LMBR1: variants seen among roughly 807,000 people sequenced by gnomAD.
LMBR1 encodes limb region 1 protein homolog.
LMBR1 carries 52 observed loss-of-function variants against 73.9 expected under a neutral mutation model. That is an observed-to-expected ratio of 0.70 (90% CI 0.56 to 0.89). LMBR1 has a LOEUF of 0.89. Ranked by LOEUF, LMBR1 falls within the 40% of genes least tolerant of loss-of-function variation. The pLI is 0.00. For synonymous variants in LMBR1, 215 were observed against 209.4 expected, an observed-to-expected ratio of 1.03 and a Z score of -0.23; for missense variants, 539 against 579.8, an observed-to-expected ratio of 0.93 and a Z score of 0.72.
At chr7:156,793,981 T>C (rs1017137) in intron 5 of LMBR1, among the ~76,000 whole-genome samples, 33,463 of 152,104 alleles carry the variant, frequency 0.22, 4,186 homozygotes, top group East Asian at 0.42. Flanking sequence ...CCTCTTTCCC[T>C]ACCTTCAAGC....
chr7:156,824,807 T>C (rs1835388566), intron 4 of LMBR1, among the ~76,000 whole-genome samples: 2 of 150,802 alleles, frequency 1.3e-5, no homozygotes, highest in African/African-American at 4.9e-5. Context: ...ATCGTGTCAC[T>C]GCACTCTAGG....
At chr7:156,748,628 A>G (rs1270317729) in intron 9 of LMBR1, among the ~76,000 whole-genome samples, 3 of 151,988 alleles carry the variant, frequency 2.0e-5, no homozygotes, top group African/African-American at 7.3e-5. Context: ...AGCTGGGATT[A>G]CATGCGCATG....
intron 1 of LMBR1, among the ~76,000 whole-genome samples, chr7:156,837,539 A>C (rs927565005): frequency 3.3e-5 from 5 of 152,098 alleles, no homozygotes; most frequent in African/African-American, 4.8e-5. Context: ...TCAACTGGAA[A>C]CTACTAACAC....
At chr7:156,862,803 T>A (rs532972948) in intron 1 of LMBR1, among the ~76,000 whole-genome samples, 47 of 152,220 alleles carry the variant, frequency 3.1e-4, no homozygotes, top group Admixed American at 3.1e-3. Flanking sequence ...ATAGGGAATT[T>A]CTTCTGTCTG....
At position 156,685,364 on chromosome 7, in the gene LMBR1, A is replaced by G. The variant is rs966614755; in HGVS notation, c.1388-1201T>C. Among the ~76,000 whole-genome samples the G allele has an allele frequency of 6.6e-6, 1 of 152,216 alleles. No homozygotes were observed. Among genetic ancestry groups the G allele is most frequent in the Admixed American group, 6.5e-5 (1 of 15,274 alleles). ...GCAACACAGTCAGGTGTTGCCGAAC[A>G]ACAGGAATGCATTCTGAGAAATGCG... On this transcript the variant is annotated intron_variant, in intron 16 of 16. Transcript: ENST00000353442. The surrounding 1 kb of genome is among the most constrained non-coding windows in gnomAD (Gnocchi z 4.1).
chr7:156,670,600 G>A lies in LMBR1; in HGVS notation n.867-1313C>T, dbSNP rs188939921. On this transcript the variant is annotated intron_variant and non_coding_transcript_variant, in intron 4 of 4. Transcript: ENST00000430825. The surrounding 1 kb of genome is among the most constrained non-coding windows in gnomAD (Gnocchi z 4.3). ...AGTGAGCCTGCAGAACACAAAGCAC[G>A]GAGTCATCTTGGAAGTGGCCAGGAA... Among the ~76,000 whole-genome samples the A allele has an allele frequency of 8.4e-4, 128 of 152,290 alleles. No homozygotes were observed. The highest frequency in any genetic ancestry group is 3.0e-3 in the African/African-American group (126 of 41,548).
chr7:156,822,973 G>C (rs746243867), intron 4 of LMBR1: 5 of 152,052 alleles, frequency 3.3e-5, no homozygotes, highest in Admixed American at 2.6e-4. Context: ...TGATCTGGGC[G>C]TGGTGGCACA....
intron 4 of LMBR1, chr7:156,822,680 T>C (rs916431697): frequency 6.6e-6 from 1 of 151,486 alleles, no homozygotes; most frequent in Non-Finnish European, 1.5e-5. Flanking sequence ...AAGCAATTAA[T>C]ATTAAAAAGC....
At chr7:156,837,188 G>A (rs1362820607) in intron 1 of LMBR1, among the ~76,000 whole-genome samples, 2 of 150,442 alleles carry the variant, frequency 1.3e-5, no homozygotes, top group Non-Finnish European at 1.5e-5. Flanking sequence ...AAAAATATTA[G>A]CAGGGCATGG....
intron 1 of LMBR1, among the ~76,000 whole-genome samples, chr7:156,880,899 C>T (rs1008725191): frequency 6.6e-6 from 1 of 152,138 alleles, no homozygotes; most frequent in African/African-American, 2.4e-5. Flanking sequence ...GCAATCCACC[C>T]GCCTCGGCTT....
chr7:156,861,649 G>A (rs1321656389), intron 1 of LMBR1, among the ~76,000 whole-genome samples: 1 of 152,100 alleles, frequency 6.6e-6, no homozygotes, highest in Non-Finnish European at 1.5e-5. Flanking sequence ...TTTTACAACT[G>A]AATGCCTTTA....
chr7:156,841,186 A>G (rs1225881832), intron 1 of LMBR1, among the ~76,000 whole-genome samples: 2 of 152,144 alleles, frequency 1.3e-5, no homozygotes, highest in East Asian at 3.9e-4. Context: ...AACTGGAAAG[A>G]CAGAGTTGCC....
intron 15 of LMBR1, among the ~76,000 whole-genome samples, chr7:156,689,795 T>C (rs1272886719): frequency 3.9e-5 from 6 of 152,200 alleles, no homozygotes; most frequent in Non-Finnish European, 2.9e-5. Context: ...TCTCAGCTAT[T>C]CATATTAATA....
At chr7:156,730,808 G>A (rs969807671) in intron 10 of LMBR1, among the ~76,000 whole-genome samples, 1 of 152,084 alleles carries the variant, frequency 6.6e-6, no homozygotes, top group South Asian at 2.1e-4. Flanking sequence ...ATGGTGGCAT[G>A]CACCTGTAAT....
chr7:156,760,639 AATTTCAAGACT>A (rs1822799109), intron 8 of LMBR1, among the ~76,000 whole-genome samples: 3 of 152,254 alleles, frequency 2.0e-5, no homozygotes, highest in Admixed American at 6.5e-5. Context: ...AAGGGAAAGG[AATTTCAAGACT>A]TGGCAGCATG....
chr7:156,721,692 C>A (rs1293308688), intron 15 of LMBR1, among the ~76,000 whole-genome samples: 3 of 149,250 alleles, frequency 2.0e-5, no homozygotes, highest in Admixed American at 6.7e-5. Context: ...ACTACAGATT[C>A]TTTGTGTTTC....
chr7:156,788,860 C>T (rs2133287128), intron 5 of LMBR1, among the ~76,000 whole-genome samples: 1 of 152,156 alleles, frequency 6.6e-6, no homozygotes, highest in Admixed American at 6.5e-5. Flanking sequence ...GCAGCTTGGC[C>T]AACATGGTGA....
chr7:156,676,461 C>T (rs763475503), downstream of LMBR1: 3 of 1,613,960 alleles, frequency 1.9e-6, no homozygotes, highest in Non-Finnish European at 2.5e-6. Flanking sequence ...CTGCCTGGCC[C>T]CTCTCTCCGC....
intron 1 of LMBR1, among the ~76,000 whole-genome samples, chr7:156,855,496 G>C (rs1796816122): frequency 6.6e-6 from 1 of 151,946 alleles, no homozygotes; most frequent in African/African-American, 2.4e-5. Context: ...GAATAGCCAA[G>C]AAGTACAGAA....
Sources: allele counts gnomAD v4.1 joint callset (sites outside exome capture counted in the v4.1 genomes callset), GRCh38; gene constraint gnomAD v4.1.1; non-coding constraint Gnocchi (gnomAD v3.1); transcripts MANE v1.5; gene names NCBI Gene and HGNC (gene_info 2026-07-23, HGNC 2026-07-21).